AFF1: variants seen among roughly 807,000 people sequenced by gnomAD.
The protein encoded by AFF1 is ALF transcription elongation factor 1, also known as AF4/FMR2 family member 1.
Under a neutral mutation model 121.7 loss-of-function variants are expected in AFF1, and 48 were observed. That is an observed-to-expected ratio of 0.39 (90% CI 0.31 to 0.50). The LOEUF is 0.50. Ranked by LOEUF, AFF1 falls within the 20% of genes least tolerant of loss-of-function variation. The pLI, the probability that AFF1 is intolerant of heterozygous loss-of-function variation, is 0.76. For synonymous variants in AFF1, 613 were observed against 563.0 expected, an observed-to-expected ratio of 1.09 and a Z score of -1.26; for missense variants, 1,523 against 1,511.7, an observed-to-expected ratio of 1.01 and a Z score of -0.12.
chr4:87,089,329 A>G lies in AFF1; in HGVS notation c.1105-655A>G, dbSNP rs1724064927. On this transcript the variant is annotated intron_variant, in intron 5 of 20. Coordinates refer to ENST00000395146, the MANE Select transcript of AFF1 (RefSeq NM_001166693.3). ...TGTGTTTAGAAGAATTCATGTCAAG[A>G]TACATATATCAATTGTAAGTTTTAG... is the stretch of plus-strand genomic sequence containing the variant. Among the ~76,000 whole-genome samples, 3 of 152,212 alleles carry G rather than the reference A, an allele frequency of 2.0e-5. No individual in the cohort carries two copies. The South Asian group carries it at 6.2e-4, about 32-fold the overall frequency.
At chr4:87,029,042 ATGGTGGG>A (rs1442083200) in intron 2 of AFF1, among the ~76,000 whole-genome samples, 3 of 152,154 alleles carry the variant, frequency 2.0e-5, no homozygotes, top group Non-Finnish European at 4.4e-5. Context: ...AGGTAAATTA[ATGGTGGG>A]TCTGTAAATA....
intron 4 of AFF1, among the ~76,000 whole-genome samples, chr4:87,056,885 C>T (rs557604211): frequency 2.5e-4 from 38 of 152,302 alleles, no homozygotes; most frequent in African/African-American, 9.1e-4. Context: ...ATTTCATATT[C>T]ACGATGATCC....
At chr4:87,040,770 A>C (rs545223205) in intron 2 of AFF1, among the ~76,000 whole-genome samples, 3 of 146,792 alleles carry the variant, frequency 2.0e-5, no homozygotes, top group African/African-American at 7.6e-5. Context: ...ATAGGGTTTC[A>C]CTATGTTGGC....
At chr4:86,952,687 C>CTTTTT (rs35008076) in intron 2 of AFF1, among the ~76,000 whole-genome samples, 3 of 122,988 alleles carry the variant, frequency 2.4e-5, no homozygotes, top group Admixed American at 1.8e-4. Context: ...AAAAACACAA[C>CTTTTT]TTTTTTTTTT....
At chr4:87,128,608 G>A (rs1316595471) in intron 16 of AFF1, among the ~76,000 whole-genome samples, 2 of 152,214 alleles carry the variant, frequency 1.3e-5, no homozygotes, top group South Asian at 2.1e-4. Flanking sequence ...ACAGGGGTCT[G>A]AATCAGATTG....
chr4:87,127,171 C>A lies in AFF1; in HGVS notation c.2903+54C>A, dbSNP rs573792421. Reference sequence around the variant, plus strand: ...CTGTTTTGTTTTGTTTTGCTTCCCCCCCCCACCAAGATAGAGTCTCACTCT... The same window carrying A: ...CTGTTTTGTTTTGTTTTGCTTCCCCACCCCACCAAGATAGAGTCTCACTCT... On this transcript the variant is annotated intron_variant, in intron 15 of 20. Transcript: ENST00000395146. The A allele has an allele frequency of 8.7e-4, 1,123 of 1,296,294 alleles. 55 individuals are homozygous for A. Among genetic ancestry groups the A allele is most frequent in the South Asian group, 4.0e-3 (339 of 83,730 alleles). The allele number at this position is 1,296,294 out of a possible 1,614,324, so 80.3% of individuals were successfully genotyped here.
chr4:87,066,683 C>T (rs1721381416), intron 4 of AFF1, among the ~76,000 whole-genome samples: 1 of 152,172 alleles, frequency 6.6e-6, no homozygotes, highest in African/African-American at 2.4e-5. Context: ...AGCCCTGGAA[C>T]TCTCCACAGG....
At chr4:87,112,779 T>A (rs1021687755) in intron 11 of AFF1, among the ~76,000 whole-genome samples, 2 of 152,216 alleles carry the variant, frequency 1.3e-5, no homozygotes, top group African/African-American at 2.4e-5. Context: ...CAACTAATTT[T>A]CTGATGCATT....
rs886945489 is a variant in AFF1, at chr4:87,135,768, C to T, written c.*67C>T. The stretch of plus-strand genomic sequence containing the variant: ...CACATTGGAAGCCTCAAAAACAGTC[C>T]AGACATTTGTTTCATCAGGACACCA... On this transcript the variant is annotated 3_prime_UTR_variant, in exon 21 of 21. Transcript: ENST00000395146. 2.0e-6 allele frequency: 3 copies of T among 1,533,720 alleles called. No homozygotes were observed. The highest frequency in any genetic ancestry group is 1.3e-5 in the South Asian group (1 of 77,634).
chr4:87,116,112 A>G (rs1254018043), intron 12 of AFF1, among the ~76,000 whole-genome samples: 1 of 152,218 alleles, frequency 6.6e-6, no homozygotes, highest in Non-Finnish European at 1.5e-5. Flanking sequence ...ATGACCATAC[A>G]ACACCTCTTT....
intron 7 of AFF1, among the ~76,000 whole-genome samples, 178 bp downstream of exon 7, chr4:87,092,007 G>C (rs1724367010): frequency 6.6e-6 from 1 of 152,254 alleles, no homozygotes; most frequent in Non-Finnish European, 1.5e-5. Context: ...TTGTTGACCA[G>C]GCGCAGTGGC....
chr4:87,099,278 C>G (rs1298523810), intron 8 of AFF1, among the ~76,000 whole-genome samples: 1 of 152,214 alleles, frequency 6.6e-6, no homozygotes, highest in Non-Finnish European at 1.5e-5. Flanking sequence ...ATCCCTTATT[C>G]ACAGTTCTTC....
At chr4:86,975,653 T>A (rs1388752714) in intron 2 of AFF1, among the ~76,000 whole-genome samples, 1 of 152,190 alleles carries the variant, frequency 6.6e-6, no homozygotes, top group Non-Finnish European at 1.5e-5. Context: ...CAGCCTTTTT[T>A]TTCTCCCCCC....
At chr4:87,069,533 T>C (rs78939433) in intron 4 of AFF1, among the ~76,000 whole-genome samples, 1,489 of 110,334 alleles carry the variant, frequency 0.013, 17 homozygotes, top group African/African-American at 0.067. Flanking sequence ...CCTCTTTCTC[T>C]CCCCTCCTCT....
At chr4:87,112,535 C>A (rs1381836687) in intron 11 of AFF1, among the ~76,000 whole-genome samples, 1 of 152,154 alleles carries the variant, frequency 6.6e-6, no homozygotes, top group Non-Finnish European at 1.5e-5. Flanking sequence ...CACACTAAAC[C>A]CAAACTATCT....
chr4:87,103,835 AAT>A (rs1413471833), intron 8 of AFF1, among the ~76,000 whole-genome samples: 3 of 152,244 alleles, frequency 2.0e-5, no homozygotes, highest in Non-Finnish European at 1.5e-5. Flanking sequence ...AATTAAGGCA[AAT>A]CAGTTTTATT....
chr4:86,953,090 G>C (rs900581155), intron 2 of AFF1, among the ~76,000 whole-genome samples: 2 of 151,896 alleles, frequency 1.3e-5, no homozygotes, highest in African/African-American at 2.4e-5. Context: ...ATTAAGTTTG[G>C]ATGGGTAACT....
At chr4:87,082,150 G>C (rs983377570) in intron 4 of AFF1, among the ~76,000 whole-genome samples, 1 of 152,140 alleles carries the variant, frequency 6.6e-6, no homozygotes, top group African/African-American at 2.4e-5. Flanking sequence ...CGTAGGATGA[G>C]GGGAATATTT....
intron 8 of AFF1, among the ~76,000 whole-genome samples, chr4:87,104,859 G>A (rs1190329980): frequency 6.8e-6 from 1 of 146,624 alleles, no homozygotes; most frequent in African/African-American, 2.6e-5. Flanking sequence ...CAAGTTTGAG[G>A]AAATTTTTTT....
Sources: allele counts gnomAD v4.1 joint callset (sites outside exome capture counted in the v4.1 genomes callset), GRCh38; gene constraint gnomAD v4.1.1; transcripts MANE v1.5; gene names NCBI Gene and HGNC (gene_info 2026-07-23, HGNC 2026-07-21).